CMPK1: variants seen among roughly 807,000 people sequenced by gnomAD.
CMPK1 encodes UMP-CMP kinase.
Under a neutral mutation model 25.7 loss-of-function variants are expected in CMPK1, and 10 were observed. The ratio of observed to expected loss-of-function variants is 0.39; its 90% confidence interval spans 0.24 to 0.66. The LOEUF is 0.66. Among genes scored for constraint, CMPK1 ranks in the 30% least tolerant of loss-of-function variants. The probability of loss-of-function intolerance (pLI) is 0.48; values close to 1 mark genes in which losing one functional copy is unlikely to be tolerated. For synonymous variants in CMPK1, 106 were observed against 101.5 expected, an observed-to-expected ratio of 1.04 and a Z score of -0.27; for missense variants, 199 against 280.5, an observed-to-expected ratio of 0.71 and a Z score of 2.08.
At chr1:47,339,588 A>C (rs1557800482) in intron 1 of CMPK1, among the ~76,000 whole-genome samples, 2 of 151,968 alleles carry the variant, frequency 1.3e-5, no homozygotes, top group Non-Finnish European at 2.9e-5. Flanking sequence ...GAAGATGTAA[A>C]ATTTTTAAAA....
chr1:47,351,902 A>G (rs1204882219), intron 1 of CMPK1, among the ~76,000 whole-genome samples: 1 of 151,948 alleles, frequency 6.6e-6, no homozygotes, highest in Admixed American at 6.6e-5. Flanking sequence ...TTGGGAGGCT[A>G]AGGCAGGTGG....
At chr1:47,338,383 T>A (rs1230352418) in intron 1 of CMPK1, among the ~76,000 whole-genome samples, 1 of 152,240 alleles carries the variant, frequency 6.6e-6, no homozygotes, top group East Asian at 1.9e-4. Context: ...AAGGCAAATC[T>A]GATACAGTGT....
intron 1 of CMPK1, among the ~76,000 whole-genome samples, chr1:47,362,165 C>T (rs1186075991): frequency 1.8e-5 from 2 of 110,172 alleles, no homozygotes; most frequent in Non-Finnish European, 3.5e-5. Flanking sequence ...CCACAGCACC[C>T]GGCCTTTTTT....
At chr1:47,337,008 G>A (rs1646403575) in intron 1 of CMPK1, among the ~76,000 whole-genome samples, 1 of 152,178 alleles carries the variant, frequency 6.6e-6, no homozygotes, top group Non-Finnish European at 1.5e-5. Flanking sequence ...TTCAGGGCTG[G>A]GCGCAGTAGC....
intron 2 of CMPK1, among the ~76,000 whole-genome samples, chr1:47,370,407 G>C (rs1317968097): frequency 6.6e-6 from 1 of 151,770 alleles, no homozygotes; most frequent in East Asian, 2.0e-4. Flanking sequence ...GGGAGGCCGA[G>C]GCAGGGGGAT....
chr1:47,345,386 G>A (rs1209694400), intron 1 of CMPK1, among the ~76,000 whole-genome samples: 23 of 151,712 alleles, frequency 1.5e-4, no homozygotes, highest in Admixed American at 1.5e-3. Flanking sequence ...AAGTAATTAG[G>A]TCTAAACAAT....
chr1:47,357,682 G>A (rs375212154), intron 1 of CMPK1, among the ~76,000 whole-genome samples: 3 of 151,666 alleles, frequency 2.0e-5, no homozygotes, highest in South Asian at 2.1e-4. Context: ...ACAGGGTTTC[G>A]CCATGTTGGT....
At position 47,377,465 on chromosome 1, in the gene CMPK1, T is replaced by A. The variant is rs1418740712; in HGVS notation, c.*720T>A. 2 of 152,192 alleles carry A rather than the reference T, an allele frequency of 1.3e-5. No homozygotes were observed. The highest frequency in any genetic ancestry group is 2.9e-5 in the Non-Finnish European group (2 of 68,040). 9.4% of individuals were successfully genotyped at this position (152,192 alleles called of 1,614,324 possible). A position where few individuals can be genotyped will look rare whatever the true frequency, so the allele number is the denominator to read the frequency against. On this transcript the variant is annotated 3_prime_UTR_variant, in exon 6 of 6. Coordinates refer to ENST00000371873, the MANE Select transcript of CMPK1 (RefSeq NM_016308.3). ...GATCACATCTAATGCTTGTGTTCCT[T>A]ATACTCTATTATATAGTGTTATTCA...
intron 1 of CMPK1, among the ~76,000 whole-genome samples, chr1:47,346,918 G>A (rs1646489085): frequency 6.7e-6 from 1 of 150,214 alleles, no homozygotes; most frequent in South Asian, 2.1e-4. Context: ...CAAATAACTG[G>A]GATTACAGGC....
chr1:47,354,031 T>C (rs567266804), intron 1 of CMPK1, among the ~76,000 whole-genome samples: 9 of 152,244 alleles, frequency 5.9e-5, no homozygotes, highest in African/African-American at 1.9e-4. Flanking sequence ...ATTTACTTTT[T>C]AAAGATGTAT....
chr1:47,368,720 G>C (rs1646656719), intron 2 of CMPK1, 105 bp downstream of exon 2: 2 of 1,071,956 alleles, frequency 1.9e-6, no homozygotes, highest in Admixed American at 6.3e-5. Flanking sequence ...AGCATTTTGG[G>C]AAGCCAAAGC....
chr1:47,369,736 A>C (rs1646663780), intron 2 of CMPK1, among the ~76,000 whole-genome samples: 1 of 146,566 alleles, frequency 6.8e-6, no homozygotes, highest in Non-Finnish European at 1.5e-5. Flanking sequence ...TAATTTTTGT[A>C]TTTTTAATAG....
intron 1 of CMPK1, among the ~76,000 whole-genome samples, chr1:47,345,697 T>C (rs892564076): frequency 6.6e-6 from 1 of 150,734 alleles, no homozygotes; most frequent in African/African-American, 2.4e-5. Context: ...GACCTCGTGA[T>C]CCCCCCACCT....
At chr1:47,335,364 C>T (rs1017343082) in intron 1 of CMPK1, among the ~76,000 whole-genome samples, 1 of 152,140 alleles carries the variant, frequency 6.6e-6, no homozygotes, top group African/African-American at 2.4e-5. Context: ...TTTTGCCAGG[C>T]GCTGTGGCTC....
intron 1 of CMPK1, among the ~76,000 whole-genome samples, chr1:47,334,588 C>T (rs551719465): frequency 6.6e-6 from 1 of 152,244 alleles, no homozygotes; most frequent in South Asian, 2.1e-4. Flanking sequence ...TCCCTAAACT[C>T]CGCACTGTCA....
intron 1 of CMPK1, among the ~76,000 whole-genome samples, chr1:47,360,827 C>T (rs957968003): frequency 6.6e-6 from 1 of 152,158 alleles, no homozygotes; most frequent in Non-Finnish European, 1.5e-5. Flanking sequence ...AGGATGGCTA[C>T]ATAGTAGAAA....
In CMPK1 at chr1:47,359,386, C is replaced by CTTT. The variant is rs71053107; in HGVS notation, c.172-9066_172-9064dup. ...TAGTGGTTGTTAAGAAACCTTTTTT[C>CTTT]TTTTTTTTTTTTTTTTTTTGAGATA... On this transcript the variant is annotated intron_variant, in intron 1 of 5. Transcript: ENST00000371873. Among the ~76,000 whole-genome samples, 179 of 102,730 alleles carry CTTT rather than the reference C, an allele frequency of 1.7e-3. 6 individuals are homozygous for CTTT. Among genetic ancestry groups the CTTT allele is most frequent in the Non-Finnish European group, 2.3e-3 (128 of 55,578 alleles). 67.4% of individuals were successfully genotyped at this position (102,730 alleles called of 152,430 possible).
At chr1:47,366,729 A>T (rs575049561) in intron 1 of CMPK1, among the ~76,000 whole-genome samples, 65 of 151,912 alleles carry the variant, frequency 4.3e-4, no homozygotes, top group Admixed American at 7.2e-4. Flanking sequence ...TAATAATAAT[A>T]ATTATTTTTA....
At chr1:47,358,237 C>G in intron 1 of CMPK1, 1 of 456,932 alleles carries the variant, frequency 2.2e-6, no homozygotes, top group Non-Finnish European at 4.3e-6. Flanking sequence ...CTGAGCCTTC[C>G]GAGTAGCCAG....
Sources: allele counts gnomAD v4.1 joint callset (sites outside exome capture counted in the v4.1 genomes callset), GRCh38; gene constraint gnomAD v4.1.1; transcripts MANE v1.5; gene names NCBI Gene and HGNC (gene_info 2026-07-23, HGNC 2026-07-21).